SEMA3C: variants seen among roughly 807,000 people sequenced by gnomAD.
The protein encoded by SEMA3C is semaphorin 3C.
SEMA3C carries 47 observed loss-of-function variants against 89.4 expected under a neutral mutation model. That is an observed-to-expected ratio of 0.53 (90% CI 0.42 to 0.67). The LOEUF is 0.67. SEMA3C is among the 30% of genes least tolerant of loss of function. The probability of loss-of-function intolerance (pLI) is 0.00; values close to 1 mark genes in which losing one functional copy is unlikely to be tolerated. For synonymous variants in SEMA3C, 310 were observed against 320.2 expected, an observed-to-expected ratio of 0.97 and a Z score of 0.34; for missense variants, 839 against 929.1, an observed-to-expected ratio of 0.90 and a Z score of 1.26.
intron 12 of SEMA3C, among the ~76,000 whole-genome samples, chr7:80,774,637 A>G (rs1788505307): frequency 6.6e-6 from 1 of 152,166 alleles, no homozygotes; most frequent in African/African-American, 2.4e-5. Flanking sequence ...AAAAAAGTCA[A>G]TGAACTTGAA....
At chr7:80,777,394 C>T (rs930948582) in intron 12 of SEMA3C, among the ~76,000 whole-genome samples, 20 of 152,204 alleles carry the variant, frequency 1.3e-4, no homozygotes, top group Non-Finnish European at 2.2e-4. Context: ...CGGGTTCAAG[C>T]GATTCTCCTG....
chr7:80,817,410 C>G (rs1218193984), intron 5 of SEMA3C, among the ~76,000 whole-genome samples: 1 of 151,920 alleles, frequency 6.6e-6, no homozygotes, highest in Non-Finnish European at 1.5e-5. Flanking sequence ...ACTGGACTTT[C>G]TATATTTAAG....
intron 2 of SEMA3C, among the ~76,000 whole-genome samples, chr7:80,871,630 T>C (rs918489138): frequency 6.6e-6 from 1 of 152,224 alleles, no homozygotes; most frequent in Admixed American, 6.5e-5. Flanking sequence ...TCCCACCTGC[T>C]TATCGTTCCA....
At chr7:80,858,790 T>C (rs977211862) in intron 2 of SEMA3C, among the ~76,000 whole-genome samples, 4 of 152,134 alleles carry the variant, frequency 2.6e-5, no homozygotes, top group African/African-American at 9.7e-5. Flanking sequence ...GAGTGTTTAA[T>C]TACAGCAAAT....
intron 12 of SEMA3C, among the ~76,000 whole-genome samples, chr7:80,769,881 A>AAC (rs1788390950): frequency 6.6e-6 from 1 of 151,426 alleles, no homozygotes; most frequent in Non-Finnish European, 1.5e-5. Context: ...AAAAAAAAAA[A>AAC]AAAAAAACCA....
intron 2 of SEMA3C, among the ~76,000 whole-genome samples, chr7:80,908,347 C>T (rs943005739): frequency 5.3e-5 from 8 of 152,130 alleles, no homozygotes; most frequent in Admixed American, 2.6e-4. Context: ...GTACTTCACA[C>T]AGTTTGTACA....
At chr7:80,753,911 T>C (rs955021213) in intron 15 of SEMA3C, among the ~76,000 whole-genome samples, 3 of 150,024 alleles carry the variant, frequency 2.0e-5, no homozygotes, top group Admixed American at 6.7e-5. Context: ...AATGCTTTTA[T>C]TGTTTACTAG....
intron 2 of SEMA3C, chr7:80,915,740 CA>C (rs56666739): frequency 0.08 from 5,535 of 69,406 alleles, 134 homozygotes; most frequent in African/African-American, 0.18. Context: ...GACACTGTCT[CA>C]AAAAAAAAAA....
chr7:80,895,171 A>C (rs1361293635), intron 2 of SEMA3C, among the ~76,000 whole-genome samples: 2 of 152,084 alleles, frequency 1.3e-5, no homozygotes, highest in Non-Finnish European at 2.9e-5. Flanking sequence ...TTCACCTAAA[A>C]CTGTTCCTAA....
chr7:80,827,392 GTTTT>G (rs36066966), intron 4 of SEMA3C, 29 bp downstream of exon 4: 34,371 of 1,223,634 alleles, frequency 0.028, 17 homozygotes, highest in East Asian at 0.05. Flanking sequence ...TTAAGTTAGT[GTTTT>G]TTTTTTTTTT....
chr7:80,773,926 T>TCTTC (rs1184606295), intron 12 of SEMA3C, among the ~76,000 whole-genome samples: 1 of 152,208 alleles, frequency 6.6e-6, no homozygotes, highest in East Asian at 1.9e-4. Context: ...AAAAGCTGGA[T>TCTTC]GAAGTTGTTC....
At chr7:80,895,371 G>C (rs1175286226) in intron 2 of SEMA3C, among the ~76,000 whole-genome samples, 2 of 152,100 alleles carry the variant, frequency 1.3e-5, no homozygotes, top group Non-Finnish European at 2.9e-5. Context: ...AAAAATTCTA[G>C]TAAAACAGAT....
chr7:80,803,995 G>T, intron 8 of SEMA3C, 111 bp downstream of exon 8: 1 of 914,896 alleles, frequency 1.1e-6, no homozygotes, highest in Non-Finnish European at 1.6e-6. Context: ...TACATTAAAT[G>T]CTTCCCTCAA....
chr7:80,863,104 A>C (rs1790810765), intron 2 of SEMA3C, among the ~76,000 whole-genome samples: 1 of 152,156 alleles, frequency 6.6e-6, no homozygotes, highest in South Asian at 2.1e-4. Flanking sequence ...AATTAAGCTA[A>C]AGGGTTTTGC....
chr7:80,745,925 A>G (rs964014268), intron 17 of SEMA3C, among the ~76,000 whole-genome samples: 1 of 152,152 alleles, frequency 6.6e-6, no homozygotes, highest in Admixed American at 6.6e-5. Flanking sequence ...AAGTCCTCTA[A>G]GTGGTTTTAC....
At chr7:80,815,759 A>G (rs746159524) in intron 5 of SEMA3C, among the ~76,000 whole-genome samples, 1 of 152,102 alleles carries the variant, frequency 6.6e-6, no homozygotes, top group Non-Finnish European at 1.5e-5. Context: ...TTTGATACCT[A>G]TGACACTCTT....
intron 15 of SEMA3C, among the ~76,000 whole-genome samples, chr7:80,758,016 C>G (rs1252363409): frequency 6.6e-6 from 1 of 151,880 alleles, no homozygotes; most frequent in African/African-American, 2.4e-5. Flanking sequence ...TTAGGTGATA[C>G]AAAAAATGCA....
chr7:80,774,261 A>C (rs905654340), intron 12 of SEMA3C, among the ~76,000 whole-genome samples: 1 of 152,216 alleles, frequency 6.6e-6, no homozygotes, highest in African/African-American at 2.4e-5. Flanking sequence ...ACAGAACTCA[A>C]GCCCAGGGCA....
Position 80,804,094 on chromosome 7 carries a change from A to G in SEMA3C, c.801+12T>C, listed in dbSNP as rs201087109. On this transcript the variant is annotated intron_variant, in intron 8 of 17. Transcript: ENST00000265361. Reference sequence around the variant, plus strand: ...TGGTCTTTCTTCAAATCGGAACAGCATTAATACTTACAGGACATATTCGAG... The same window carrying G: ...TGGTCTTTCTTCAAATCGGAACAGCGTTAATACTTACAGGACATATTCGAG... 90 of 1,603,198 alleles carry G rather than the reference A, an allele frequency of 5.6e-5. No homozygotes were observed. Among genetic ancestry groups the G allele is most frequent in the Non-Finnish European group, 7.1e-5 (83 of 1,174,788 alleles).
Sources: gnomAD v4.1 joint callset for allele counts (sites outside exome capture counted in the v4.1 genomes callset) on GRCh38, gnomAD v4.1.1 for gene constraint, MANE v1.5 for transcripts, NCBI Gene and HGNC (gene_info 2026-07-23, HGNC 2026-07-21) for gene names.